The following SYNE1 variants were observed in gnomAD, a reference collection of about 807,000 sequenced individuals.
The protein encoded by SYNE1 is spectrin repeat containing nuclear envelope protein 1.
Under a neutral mutation model 1,111.0 loss-of-function variants are expected in SYNE1, and 616 were observed. The observed-to-expected ratio is 0.55, with a 90% CI of 0.52 to 0.59. The LOEUF is 0.59. SYNE1 is among the 20% of genes least tolerant of loss of function. The pLI is 0.00. For missense variants in SYNE1, 10,006 were observed against 10,417.0 expected (o/e 0.96, Z 1.72); for synonymous variants, 3,855 against 3,825.8 (o/e 1.01, Z -0.28).
intron 95 of SYNE1, among the ~76,000 whole-genome samples, chr6:152,286,259 G>T (rs1420188571): frequency 6.6e-6 from 1 of 152,044 alleles, no homozygotes; most frequent in East Asian, 1.9e-4. Flanking sequence ...ATATTTCCAG[G>T]ATTCTATAAG....
intron 6 of SYNE1, among the ~76,000 whole-genome samples, chr6:152,515,115 G>A (rs187608289): frequency 7.2e-4 from 109 of 151,976 alleles, no homozygotes; most frequent in Middle Eastern, 3.4e-3. Context: ...CCAGCTACTC[G>A]GGAGGCTGAG....
intron 3 of SYNE1, among the ~76,000 whole-genome samples, chr6:152,593,791 T>A (rs938830136): frequency 5.9e-5 from 9 of 152,120 alleles, no homozygotes; most frequent in African/African-American, 2.2e-4. Context: ...CTTTATTTTC[T>A]CATTTATTAA....
intron 87 of SYNE1, among the ~76,000 whole-genome samples, chr6:152,311,803 T>C (rs1295627711): frequency 6.7e-6 from 1 of 148,634 alleles, no homozygotes; most frequent in Non-Finnish European, 1.5e-5. Context: ...TGAGACGGAG[T>C]CTCGCTCTTT....
chr6:152,254,044 T>C (rs1430351336), intron 104 of SYNE1, among the ~76,000 whole-genome samples: 2 of 151,340 alleles, frequency 1.3e-5, no homozygotes, highest in Non-Finnish European at 2.9e-5. Context: ...TTCCGGTATA[T>C]ATTCATAGGA....
chr6:152,124,238 G>A (rs755271442), intron 145 of SYNE1, among the ~76,000 whole-genome samples: 6 of 152,134 alleles, frequency 3.9e-5, no homozygotes, highest in South Asian at 2.1e-4. Context: ...CCCGGGAGGC[G>A]GAGGCTGCAG....
intron 48 of SYNE1, among the ~76,000 whole-genome samples, chr6:152,399,233 C>T (rs1310598070): frequency 6.6e-6 from 1 of 152,114 alleles, no homozygotes; most frequent in African/African-American, 2.4e-5. Context: ...TGGCTTCTAC[C>T]AACATCTAAG....
chr6:152,381,449 T>TGTACA, intron 55 of SYNE1, 87 bp from the exon 56 acceptor site: 1 of 1,390,588 alleles, frequency 7.2e-7, no homozygotes, highest in Non-Finnish European at 1.0e-6. Context: ...GGGGACCCTG[T>TGTACA]CCTGCCAGGA....
At chr6:152,312,005 C>T (rs1162306221) in intron 87 of SYNE1, among the ~76,000 whole-genome samples, 1 of 152,112 alleles carries the variant, frequency 6.6e-6, no homozygotes, top group African/African-American at 2.4e-5. Flanking sequence ...AGGATGGTCT[C>T]GATCTCCTGA....
intron 64 of SYNE1, among the ~76,000 whole-genome samples, chr6:152,361,821 A>G (rs566970407): frequency 6.7e-6 from 1 of 149,286 alleles, no homozygotes; most frequent in South Asian, 2.1e-4. Context: ...ACGAATGCAC[A>G]AAAGATAACA....
At chr6:152,517,442 A>G (rs560023079) in intron 6 of SYNE1, among the ~76,000 whole-genome samples, 1 of 152,360 alleles carries the variant, frequency 6.6e-6, no homozygotes, top group South Asian at 2.1e-4. Context: ...CCAGAATTAC[A>G]TGTGCATTTA....
intron 46 of SYNE1, among the ~76,000 whole-genome samples, chr6:152,401,867 G>A (rs2097824568): frequency 6.6e-6 from 1 of 152,170 alleles, no homozygotes; most frequent in Non-Finnish European, 1.5e-5. Flanking sequence ...TGGCCCCCTA[G>A]TTAGTCAAAG....
chr6:152,459,361 C>T (rs965603703), intron 21 of SYNE1, among the ~76,000 whole-genome samples: 14 of 152,134 alleles, frequency 9.2e-5, no homozygotes, highest in Non-Finnish European at 1.6e-4. Flanking sequence ...TTCAAGAGAT[C>T]GCCTACTTGA....
chr6:152,409,355 A>G (rs2097969007), intron 43 of SYNE1, 129 bp from the exon 44 acceptor site: 4 of 1,061,654 alleles, frequency 3.8e-6, no homozygotes, highest in Admixed American at 4.6e-5. Context: ...AGATTAATTA[A>G]CTATATGAAT....
intron 76 of SYNE1, chr6:152,336,605 G>A (rs2096395011): frequency 8.7e-6 from 5 of 575,888 alleles, no homozygotes; most frequent in Non-Finnish European, 1.3e-5. Flanking sequence ...CTGACAGGAG[G>A]TGGAGTTCAG....
intron 77 of SYNE1, 26 bp downstream of exon 77, chr6:152,333,982 G>C: frequency 6.2e-7 from 1 of 1,614,022 alleles, no homozygotes; most frequent in African/African-American, 1.3e-5. Context: ...TAGCATTTTG[G>C]TGACCCATGG....
chr6:152,556,510 G>A (rs1434907716), intron 3 of SYNE1, among the ~76,000 whole-genome samples: 1 of 152,072 alleles, frequency 6.6e-6, no homozygotes, highest in East Asian at 1.9e-4. Context: ...AGTACAGGAT[G>A]ACCCCCATGA....
At chr6:152,177,842 C>G (rs2066866344) in intron 129 of SYNE1, among the ~76,000 whole-genome samples, 1 of 152,088 alleles carries the variant, frequency 6.6e-6, no homozygotes, top group Non-Finnish European at 1.5e-5. Flanking sequence ...TAAAATCAAA[C>G]TGTTTTTGAG....
chr6:152,455,984 G>T lies in SYNE1; in HGVS notation c.2629C>A (p.Gln877Lys). 3 of 1,614,042 alleles carry T rather than the reference G, an allele frequency of 1.9e-6. No individual in the cohort carries two copies. The highest frequency in any genetic ancestry group is 1.1e-5 in the South Asian group (1 of 91,066). Residue 877 changes from glutamine (Q) to lysine (K), a missense_variant, in exon 23 of 146, where the codon CAA (glutamine) becomes AAA (lysine). Physicochemically the swap from Gln to Lys is moderately conservative, Grantham distance 53. Around this residue, in one of 7 missense-constraint regions of SYNE1, gnomAD observed 1,971 missense variants for 2,084.1 expected, o/e 0.95. Transcript: ENST00000367255. ...KTLTLIEKGSQSVQKFVTLSN... is the reference protein window; with the variant it reads ...KTLTLIEKGSKSVQKFVTLSN... ...AAGGTCACAAACTTTTGAACACTTT[G>T]ACTGCCTTTCTCAATAAGTGTCAAG...
At chr6:152,472,078 T>C (rs1471709001) in intron 15 of SYNE1, 6 of 603,422 alleles carry the variant, frequency 9.9e-6, no homozygotes, top group East Asian at 5.6e-5. Context: ...GAAGAAACCA[T>C]TTCTGTGATT....
Sources: allele counts gnomAD v4.1 joint callset (sites outside exome capture counted in the v4.1 genomes callset), GRCh38; gene constraint gnomAD v4.1.1; regional missense constraint gnomAD v4.1.1; transcripts MANE v1.5; gene names NCBI Gene and HGNC (gene_info 2026-07-23, HGNC 2026-07-21).